The following DTNB variants were observed in gnomAD, a reference collection of about 807,000 sequenced individuals.
DTNB encodes DTN-B.
In DTNB, 63 loss-of-function variants were observed where a neutral mutation model predicts 90.7. The observed-to-expected ratio is 0.69, with a 90% confidence interval of 0.57 to 0.86. The LOEUF is 0.86. DTNB is among the 40% of genes least tolerant of loss of function. The pLI is 0.00. For missense variants in DTNB, 744 were observed against 807.1 expected (o/e 0.92, Z 0.95); for synonymous variants, 277 against 286.7 (o/e 0.97, Z 0.34).
intron 8 of DTNB, among the ~76,000 whole-genome samples, chr2:25,563,175 T>C (rs1396418193): frequency 6.6e-6 from 1 of 152,256 alleles, no homozygotes; most frequent in Admixed American, 6.5e-5. Context: ...CACGTTGCCA[T>C]AACTTTTTCA....
At chr2:25,510,093 G>C (rs1420326481) in intron 9 of DTNB, among the ~76,000 whole-genome samples, 1 of 151,516 alleles carries the variant, frequency 6.6e-6, no homozygotes, top group Non-Finnish European at 1.5e-5. Context: ...TATGAACTTG[G>C]GACAATTTCC....
intron 8 of DTNB, among the ~76,000 whole-genome samples, chr2:25,548,897 CATAA>C (rs1021737663): frequency 3.3e-5 from 5 of 152,294 alleles, no homozygotes; most frequent in Non-Finnish European, 7.3e-5. Context: ...TTTACATACA[CATAA>C]ATACATACAC....
chr2:25,593,695 T>C (rs935462210), intron 6 of DTNB, among the ~76,000 whole-genome samples: 9 of 152,206 alleles, frequency 5.9e-5, no homozygotes, highest in East Asian at 1.9e-4. Context: ...GAATCCTAGA[T>C]AGCATTCTTA....
chr2:25,476,228 C>T (rs548229078), intron 10 of DTNB, among the ~76,000 whole-genome samples: 1 of 152,228 alleles, frequency 6.6e-6, no homozygotes, highest in East Asian at 1.9e-4. Flanking sequence ...GCCACCATGC[C>T]AAGCTAATTT....
chr2:25,473,044 A>G (rs527368244), intron 10 of DTNB, among the ~76,000 whole-genome samples: 155 of 152,350 alleles, frequency 1.0e-3, no homozygotes, highest in Non-Finnish European at 1.8e-3. Context: ...GCAAGTTTCA[A>G]TCGGAAGAAT....
intron 4 of DTNB, 25 bp from the exon 5 acceptor site, chr2:25,607,346 T>C (rs1239549069): frequency 6.4e-7 from 1 of 1,565,068 alleles, no homozygotes; most frequent in Non-Finnish European, 8.7e-7. Context: ...ATATTAGAAA[T>C]AATTGCTATC....
At chr2:25,594,442 C>A (rs2064183356) in intron 6 of DTNB, among the ~76,000 whole-genome samples, 1 of 152,198 alleles carries the variant, frequency 6.6e-6, no homozygotes, top group Non-Finnish European at 1.5e-5. Context: ...ACCTTCAGTG[C>A]TAAAGCTGAA....
chr2:25,429,768 G>A (rs183462272), intron 14 of DTNB, among the ~76,000 whole-genome samples: 80 of 152,228 alleles, frequency 5.3e-4, no homozygotes, highest in Admixed American at 7.9e-4. Flanking sequence ...CTCTCCAAGG[G>A]TTTCCAATGA....
rs116559649 is a variant in DTNB at position 25,621,164 on chromosome 2, T to C, written c.362+7007A>G. Among the ~76,000 whole-genome samples the C allele has an allele frequency of 4.1e-3, 623 of 152,344 alleles. 4 individuals are homozygous for C. The highest frequency in any genetic ancestry group is 0.014 in the African/African-American group (602 of 41,594). Reference sequence around the variant, plus strand: ...AACAAGCAGGGATGTAAATAAATACTGTACACCAACATATGAAATGTCTGT... The same window carrying C: ...AACAAGCAGGGATGTAAATAAATACCGTACACCAACATATGAAATGTCTGT... On this transcript the variant is annotated intron_variant, in intron 4 of 20. Coordinates refer to ENST00000406818, the MANE Select transcript of DTNB (RefSeq NM_021907.5).
intron 10 of DTNB, 146 bp from the exon 11 acceptor site, chr2:25,455,640 C>A (rs1001511551): frequency 4.5e-6 from 3 of 662,596 alleles, no homozygotes; most frequent in Middle Eastern, 2.6e-4. Flanking sequence ...ACCCACAATG[C>A]ATAATGGAAT....
chr2:25,536,474 G>C (rs993184656), intron 8 of DTNB, among the ~76,000 whole-genome samples: 1 of 152,184 alleles, frequency 6.6e-6, no homozygotes, highest in African/African-American at 2.4e-5. Context: ...GGCCGAGGCG[G>C]GCAGATCACC....
At chr2:25,419,605 TCA>T in intron 15 of DTNB, 70 bp from the exon 16 acceptor site, 3 of 1,534,730 alleles carry the variant, frequency 2.0e-6, no homozygotes, top group Non-Finnish European at 2.6e-6. Context: ...TTAATGCCCA[TCA>T]CCACAAACAT....
chr2:25,590,173 T>G (rs1332118205), intron 6 of DTNB, among the ~76,000 whole-genome samples: 4 of 152,234 alleles, frequency 2.6e-5, no homozygotes, highest in Non-Finnish European at 2.9e-5. Context: ...GGGGAGCTCC[T>G]ACATCTGGGC....
At chr2:25,576,112 A>G (rs1008982613) in intron 8 of DTNB, among the ~76,000 whole-genome samples, 1 of 152,084 alleles carries the variant, frequency 6.6e-6, no homozygotes, top group Non-Finnish European at 1.5e-5. Context: ...TTCCTTGCAC[A>G]TTTAAACCCT....
At position 25,576,833 on chromosome 2, in the gene DTNB, G is replaced by A; in HGVS notation, c.876+5C>T. ...AGGGACACAGATGAAACACAAAGCA[G>A]TTACCCAAGAGGAATGCTCCTTCAT... On this transcript the variant is annotated splice_donor_5th_base_variant and intron_variant, in intron 8 of 20. Coordinates refer to ENST00000406818, the MANE Select transcript of DTNB (RefSeq NM_021907.5). 6.2e-7 allele frequency: 1 copy of A among 1,609,482 alleles called. No individual in the cohort carries two copies. The highest frequency in any genetic ancestry group is 8.5e-7 in the Non-Finnish European group (1 of 1,177,702).
intron 2 of DTNB, among the ~76,000 whole-genome samples, chr2:25,645,732 C>T (rs1463683158): frequency 6.6e-6 from 1 of 152,108 alleles, no homozygotes; most frequent in East Asian, 1.9e-4. Context: ...TGAGCCACTG[C>T]ACCTGGTCCT....
At chr2:25,659,723 C>G (rs2082761698) in intron 1 of DTNB, among the ~76,000 whole-genome samples, 2 of 151,924 alleles carry the variant, frequency 1.3e-5, no homozygotes, top group Non-Finnish European at 2.9e-5. Flanking sequence ...ACCAGAATAA[C>G]CCTATAATTA....
intron 9 of DTNB, among the ~76,000 whole-genome samples, chr2:25,486,148 AT>A (rs1388285208): frequency 2.7e-5 from 4 of 150,518 alleles, no homozygotes; most frequent in African/African-American, 7.3e-5. Context: ...ATAAAATAAA[AT>A]AAAATAAAAA....
chr2:25,413,199 TAAC>T (rs1291966550), intron 16 of DTNB, among the ~76,000 whole-genome samples: 1 of 152,200 alleles, frequency 6.6e-6, no homozygotes, highest in Non-Finnish European at 1.5e-5. Flanking sequence ...ATTTTTTTGG[TAAC>T]AAATTTTTTT....
Sources: gnomAD v4.1 joint callset for allele counts (sites outside exome capture counted in the v4.1 genomes callset) on GRCh38, gnomAD v4.1.1 for gene constraint, MANE v1.5 for transcripts, NCBI Gene and HGNC (gene_info 2026-07-23, HGNC 2026-07-21) for gene names.